INTS6: variants seen among roughly 807,000 people sequenced by gnomAD.
INTS6 encodes integrator complex subunit 6.
A neutral mutation model predicts 104.9 loss-of-function variants in INTS6; 16 were observed. That is an observed-to-expected ratio of 0.15 (90% confidence interval 0.10 to 0.23). The LOEUF is 0.23. Ranked by LOEUF, INTS6 falls within the 10% of genes least tolerant of loss-of-function variation. The pLI is 1.00. For missense variants in INTS6, 584 were observed against 1,062.8 expected (o/e 0.55, Z 6.26); for synonymous variants, 324 against 358.7 (o/e 0.90, Z 1.09).
chr13:51,361,557 CATAAAA>C (rs1955575477), downstream of INTS6: 1 of 584,876 alleles, frequency 1.7e-6, no homozygotes, highest in Admixed American at 3.2e-5. Flanking sequence ...ATATCCATCC[CATAAAA>C]ATAATTCTGA....
chr13:51,351,362 C>A (rs1182505833), downstream of INTS6, among the ~76,000 whole-genome samples: 1 of 152,120 alleles, frequency 6.6e-6, no homozygotes, highest in South Asian at 2.1e-4. Flanking sequence ...GAAGTAGTAT[C>A]TCATTGTGGA....
chr13:51,452,685 TC>T lies in INTS6; in HGVS notation c.-161del. The T allele has an allele frequency of 7.2e-7, 1 of 1,393,514 alleles. No individual in the cohort carries two copies. 86.3% of individuals were successfully genotyped at this position (1,393,514 alleles called of 1,614,324 possible). A position where few individuals can be genotyped will look rare whatever the true frequency, so the allele number is the denominator to read the frequency against. On this transcript the variant is annotated 5_prime_UTR_variant, in exon 1 of 18. Coordinates refer to ENST00000311234, the MANE Select transcript of INTS6 (RefSeq NM_012141.3). This position sits in a 1 kb window ranked among gnomAD's most constrained non-coding sequence, Gnocchi z 4.2. The stretch of plus-strand genomic sequence containing the variant: ...CTTTCCTCCGGCTGCGGGGAGTTTC[TC>T]CCCCGATAGTTGAGAGGAAACTCCC...
At chr13:51,337,492 G>A in the INTS6 span, among the ~76,000 whole-genome samples, 1 of 152,122 alleles carries the variant, frequency 6.6e-6, no homozygotes, top group South Asian at 2.1e-4. Flanking sequence ...GCTGGCCATC[G>A]AAAGGCTTAG....
In INTS6 at chr13:51,368,974, G is replaced by C. The variant is rs1254336083; in HGVS notation, c.2441C>G (p.Ala814Gly). 6.3e-7 allele frequency: 1 copy of C among 1,595,856 alleles called. No homozygotes were observed. Among genetic ancestry groups the C allele is most frequent in the South Asian group, 1.1e-5 (1 of 87,058 alleles). ...CTTTCGGATCTCTTTCATTATTTGT[G>C]CTTTTAGTTCAGTATTGACCTCTTC... ...SHEEVNTELK[A>G]QIMKEIRKPG... Residue 814 changes from alanine to glycine, a missense_variant, in exon 16 of 18, where the codon GCA (alanine) becomes GGA (glycine). This residue lies in a region of INTS6 where 296 missense variants were observed against 437.0 expected (regional missense o/e 0.68). Coordinates refer to ENST00000311234, the MANE Select transcript of INTS6 (RefSeq NM_012141.3).
At position 51,362,468 on chromosome 13, in the gene INTS6, A is replaced by G. The variant is rs1955600664; in HGVS notation, c.*3284T>C. ...CCTCAGTACATCAGAAGGACACACAAATATTCTTAGGCTTCGACAATATTG... is the reference window on the plus strand; with the variant it reads ...CCTCAGTACATCAGAAGGACACACAGATATTCTTAGGCTTCGACAATATTG... On this transcript the variant is annotated 3_prime_UTR_variant, in exon 18 of 18. Coordinates refer to ENST00000311234, the MANE Select transcript of INTS6 (RefSeq NM_012141.3). 6.5e-6 allele frequency: 1 copy of G among 152,900 alleles called. No individual in the cohort carries two copies. The allele number at this position is 152,900 out of a possible 1,614,324, so 9.5% of individuals were successfully genotyped here.
At position 51,410,495 on chromosome 13, in the gene INTS6, CAATT is replaced by C. The variant is rs1203698544; in HGVS notation, c.430-15016_430-15013del. Among the ~76,000 whole-genome samples the C allele has an allele frequency of 2.6e-5, 4 of 152,094 alleles. No individual in the cohort carries two copies. The East Asian group carries it at 7.7e-4, about 29-fold the overall frequency. ...AATCTCTCCAATAAAAATGCTGATACAATTAATTATCCATATGTCAAAAATAAAC... is the reference window on the plus strand; with the variant it reads ...AATCTCTCCAATAAAAATGCTGATACAATTATCCATATGTCAAAAATAAAC... On this transcript the variant is annotated intron_variant, in intron 4 of 17. Coordinates refer to ENST00000311234, the MANE Select transcript of INTS6 (RefSeq NM_012141.3).
In INTS6 at chr13:51,389,443, G is replaced by C. The variant is rs150986287; in HGVS notation, c.615C>G (p.Gly205=). The C allele has an allele frequency of 9.4e-5, 149 of 1,588,784 alleles. 1 individual carries two copies. The African/African-American group carries it at 1.8e-3, about 20-fold the overall frequency. The stretch of plus-strand genomic sequence containing the variant: ...TTGGAGAACACACAGAATATGAACG[G>C]CCTGAGATTAAAAAAAAGAAGAAGA... The part of the protein sequence containing the change: ...AITPMCEVTG[G]RSYSVCSPRM... Residue 205 remains glycine, a splice_region_variant and synonymous_variant, in exon 6 of 18, where the codon GGC becomes GGG. Coordinates refer to ENST00000311234, the MANE Select transcript of INTS6 (RefSeq NM_012141.3).
intron 3 of INTS6, 114 bp downstream of exon 3, chr13:51,450,911 T>C: frequency 4.5e-6 from 6 of 1,348,074 alleles, no homozygotes; most frequent in Non-Finnish European, 5.7e-6. Flanking sequence ...GCATATTCTA[T>C]TTTAATTTGG....
intron 3 of INTS6, chr13:51,449,044 A>G (rs554391960): frequency 6.6e-6 from 1 of 152,326 alleles, no homozygotes; most frequent in Non-Finnish European, 1.5e-5. Flanking sequence ...TAAATCAGAT[A>G]GTTTTATGAT....
Position 51,392,497 on chromosome 13 carries a change from T to C in INTS6, c.613+2803A>G, listed in dbSNP as rs180684134. On this transcript the variant is annotated intron_variant, in intron 5 of 17. Transcript: ENST00000311234. ...CTAGCTATTACTCTATTCCTCCCTATGTAAGCTCCAGCCATGCTAGCCTTC... is the reference window on the plus strand; with the variant it reads ...CTAGCTATTACTCTATTCCTCCCTACGTAAGCTCCAGCCATGCTAGCCTTC... Among the ~76,000 whole-genome samples the C allele has an allele frequency of 3.0e-4, 46 of 152,344 alleles. No homozygotes were observed. The East Asian group carries it at 7.9e-3, about 26-fold the overall frequency.
intron 5 of INTS6, 58 bp from the exon 6 acceptor site, chr13:51,389,502 C>G: frequency 7.4e-7 from 1 of 1,344,602 alleles, no homozygotes; most frequent in Non-Finnish European, 9.8e-7. Flanking sequence ...TAGTTAGTTG[C>G]AAGAATTCCT....
chr13:51,393,093 T>G (rs1397112616), intron 5 of INTS6, among the ~76,000 whole-genome samples: 1 of 147,952 alleles, frequency 6.8e-6, no homozygotes, highest in Non-Finnish European at 1.5e-5. Context: ...TTTTTTTTTT[T>G]GTGAGACAGA....
chr13:51,413,806 C>CT (rs1308662467), intron 4 of INTS6, among the ~76,000 whole-genome samples: 1 of 152,098 alleles, frequency 6.6e-6, no homozygotes, highest in African/African-American at 2.4e-5. Context: ...GGAACCTGAC[C>CT]TGATTTCAGG....
chr13:51,360,326 G>A (rs1955552785), downstream of INTS6, among the ~76,000 whole-genome samples: 1 of 152,026 alleles, frequency 6.6e-6, no homozygotes, highest in Admixed American at 6.6e-5. Flanking sequence ...GAATGGAGGA[G>A]AGGGGTGGGA....
chr13:51,340,119 G>C, the INTS6 span, among the ~76,000 whole-genome samples: 1 of 152,222 alleles, frequency 6.6e-6, no homozygotes, highest in Non-Finnish European at 1.5e-5. Context: ...TGGAGAGAGT[G>C]AGTGTGAGCG....
intron 3 of INTS6, chr13:51,446,966 G>A (rs1952932370): frequency 6.6e-6 from 1 of 152,086 alleles, no homozygotes; most frequent in Non-Finnish European, 1.5e-5. Context: ...ACAGCAATAT[G>A]AATATACTTA....
chr13:51,370,678 C>A (rs1232042160), intron 15 of INTS6, among the ~76,000 whole-genome samples: 1 of 152,184 alleles, frequency 6.6e-6, no homozygotes, highest in African/African-American at 2.4e-5. Context: ...CCAGTGGCAG[C>A]AGGCTGGGCA....
intron 2 of INTS6, 29 bp downstream of exon 2, chr13:51,451,940 AAGGGAAGGG>A: frequency 1.3e-6 from 2 of 1,488,396 alleles, no homozygotes; most frequent in Non-Finnish European, 1.9e-6. Context: ...AGGAACAGGG[AAGGGAAGGG>A]AGGAAAGGGG....
At chr13:51,348,161 C>A in the INTS6 span, 1 of 1,406,938 alleles carries the variant, frequency 7.1e-7, no homozygotes. Flanking sequence ...GACACTGGTT[C>A]ATTCTCCTGG....
Sources: allele counts gnomAD v4.1 joint callset (sites outside exome capture counted in the v4.1 genomes callset), GRCh38; gene constraint gnomAD v4.1.1; regional missense constraint gnomAD v4.1.1; non-coding constraint Gnocchi (gnomAD v3.1); transcripts MANE v1.5; gene names NCBI Gene and HGNC (gene_info 2026-07-23, HGNC 2026-07-21).